The following SCFD2 variants were observed in gnomAD, a reference collection of about 807,000 sequenced individuals.
The protein encoded by SCFD2 is sec1 family domain-containing protein 2.
Under a neutral mutation model 58.9 loss-of-function variants are expected in SCFD2, and 54 were observed. The observed-to-expected ratio is 0.92, with a 90% CI of 0.74 to 1.15. SCFD2 has a LOEUF of 1.15. Among genes scored for constraint, SCFD2 ranks in the 50% most tolerant of loss-of-function variants. The pLI is 0.00. For missense variants in SCFD2, 805 were observed against 836.6 expected, an observed-to-expected ratio of 0.96 and a Z score of 0.47; for synonymous variants, 321 against 335.9, an observed-to-expected ratio of 0.96 and a Z score of 0.49.
chr4:53,105,524 C>T (rs575703809), intron 5 of SCFD2, among the ~76,000 whole-genome samples: 1 of 152,298 alleles, frequency 6.6e-6, no homozygotes, highest in Middle Eastern at 3.4e-3. Flanking sequence ...CCATTTCTGA[C>T]ACTTGAAAAG....
At chr4:52,943,508 G>C (rs770227277) in intron 5 of SCFD2, among the ~76,000 whole-genome samples, 2 of 152,052 alleles carry the variant, frequency 1.3e-5, no homozygotes, top group African/African-American at 2.4e-5. Flanking sequence ...GTATTAATCT[G>C]GCCTTCAAGC....
chr4:53,140,845 G>A (rs932699062), intron 5 of SCFD2, among the ~76,000 whole-genome samples: 4 of 152,110 alleles, frequency 2.6e-5, no homozygotes, highest in African/African-American at 9.7e-5. Context: ...CACAATACCT[G>A]GGCTCAATTC....
intron 5 of SCFD2, among the ~76,000 whole-genome samples, chr4:53,128,003 A>C (rs995840807): frequency 2.7e-5 from 4 of 148,344 alleles, no homozygotes; most frequent in African/African-American, 9.9e-5. Flanking sequence ...TTTAAGCAAA[A>C]TACTGATTTT....
chr4:52,950,244 A>G (rs1451076017), intron 5 of SCFD2: 1 of 152,250 alleles, frequency 6.6e-6, no homozygotes, highest in African/African-American at 2.4e-5. Context: ...ATGCTTGTGG[A>G]TACTCGAAAA....
At chr4:53,265,903 C>T (rs1313747172) in intron 4 of SCFD2, among the ~76,000 whole-genome samples, 1 of 151,564 alleles carries the variant, frequency 6.6e-6, no homozygotes, top group Admixed American at 6.6e-5. Context: ...CCACATCCAG[C>T]TAATTTTTTT....
intron 4 of SCFD2, among the ~76,000 whole-genome samples, chr4:53,227,473 T>A (rs577794406): frequency 5.9e-5 from 9 of 152,240 alleles, no homozygotes; most frequent in African/African-American, 2.2e-4. Flanking sequence ...CTAAAGTTCT[T>A]CCAAAAATGA....
In SCFD2 at chr4:53,071,549, T is replaced by C. The variant is rs2148849532; in HGVS notation, c.1561+73784A>G. On this transcript the variant is annotated intron_variant, in intron 5 of 8. Coordinates refer to ENST00000401642, the MANE Select transcript of SCFD2 (RefSeq NM_152540.4). ...TCTTCACAATCATCACAGAAATAAA[T>C]ATCATTTTTAATCCCATCTGTTTAT... Among the ~76,000 whole-genome samples, 3 of 152,184 alleles carry C rather than the reference T, an allele frequency of 2.0e-5. No homozygotes were observed. In the East Asian group the frequency reaches 5.8e-4, roughly 29 times the overall value.
At chr4:53,310,444 C>T (rs17082579) in intron 3 of SCFD2, among the ~76,000 whole-genome samples, 10,341 of 152,176 alleles carry the variant, frequency 0.068, 507 homozygotes, top group Admixed American at 0.14. Flanking sequence ...AATGTATCAG[C>T]GTTTGAGATG....
At chr4:52,925,301 T>C (rs956220513) in intron 5 of SCFD2, among the ~76,000 whole-genome samples, 3 of 150,690 alleles carry the variant, frequency 2.0e-5, no homozygotes, top group African/African-American at 4.9e-5. Flanking sequence ...ATTTTATATA[T>C]ATATGTACTA....
intron 4 of SCFD2, among the ~76,000 whole-genome samples, chr4:53,247,199 T>A (rs182760084): frequency 5.3e-5 from 8 of 152,018 alleles, no homozygotes; most frequent in African/African-American, 1.9e-4. Context: ...ATAAAAACCA[T>A]AGTGACATAA....
chr4:53,166,718 C>A (rs1727019823), intron 4 of SCFD2, among the ~76,000 whole-genome samples: 2 of 151,608 alleles, frequency 1.3e-5, no homozygotes, highest in Admixed American at 1.3e-4. Flanking sequence ...AAATGGTACC[C>A]ATCCACAACC....
intron 4 of SCFD2, among the ~76,000 whole-genome samples, chr4:53,251,990 A>G (rs968518732): frequency 6.6e-5 from 10 of 152,284 alleles, no homozygotes; most frequent in African/African-American, 1.4e-4. Flanking sequence ...AAACCCCATC[A>G]TCTCAGCCCA....
chr4:52,958,100 G>A (rs1454503169), intron 5 of SCFD2: 4 of 152,118 alleles, frequency 2.6e-5, no homozygotes, highest in African/African-American at 4.8e-5. Flanking sequence ...AGGAAAAAAC[G>A]TTCATTTTCT....
intron 5 of SCFD2, among the ~76,000 whole-genome samples, chr4:53,033,284 C>G (rs535463031): frequency 1.1e-4 from 16 of 151,782 alleles, no homozygotes; most frequent in African/African-American, 3.6e-4. Flanking sequence ...AAAGAAGACA[C>G]AACATACCAG....
At chr4:53,258,538 G>GTATATATATATATATA (rs59321045) in intron 4 of SCFD2, among the ~76,000 whole-genome samples, 227 of 119,744 alleles carry the variant, frequency 1.9e-3, no homozygotes, top group African/African-American at 2.4e-3. Context: ...TGGTGTGTGT[G>GTATATATATATATATA]TATATATATA....
chr4:52,950,357 G>A (rs1720555936), intron 5 of SCFD2: 1 of 152,192 alleles, frequency 6.6e-6, no homozygotes, highest in Non-Finnish European at 1.5e-5. Flanking sequence ...AAGGAGAGGA[G>A]AGCTAATGGG....
chr4:53,346,004 A>T (rs1256721945), intron 2 of SCFD2, among the ~76,000 whole-genome samples: 1 of 152,144 alleles, frequency 6.6e-6, no homozygotes, highest in Non-Finnish European at 1.5e-5. Context: ...AACGTAAATG[A>T]CGAGTTGATG....
At chr4:53,087,684 G>C (rs1724350443) in intron 5 of SCFD2, among the ~76,000 whole-genome samples, 1 of 138,442 alleles carries the variant, frequency 7.2e-6, no homozygotes, top group South Asian at 2.3e-4. Context: ...TTTTGAGACG[G>C]AGTCTCGCTG....
chr4:53,175,662 T>C (rs1175987610), intron 4 of SCFD2, among the ~76,000 whole-genome samples: 2 of 152,232 alleles, frequency 1.3e-5, no homozygotes, highest in Admixed American at 1.3e-4. Context: ...TTGGCATCTT[T>C]AAAATTGTCT....
Sources: allele counts gnomAD v4.1 joint callset (sites outside exome capture counted in the v4.1 genomes callset), GRCh38; gene constraint gnomAD v4.1.1; transcripts MANE v1.5; gene names NCBI Gene and HGNC (gene_info 2026-07-23, HGNC 2026-07-21).